SUGCT: variants seen among roughly 807,000 people sequenced by gnomAD.
The protein encoded by SUGCT is succinyl-CoA:glutarate-CoA transferase, also known as succinyl-CoA:glutarate CoA-transferase.
A neutral mutation model predicts 55.0 loss-of-function variants in SUGCT; 41 were observed. The observed-to-expected ratio is 0.74, with a 90% confidence interval of 0.58 to 0.97. The LOEUF (loss-of-function observed/expected upper bound fraction) is 0.97. SUGCT is among the 50% of genes least tolerant of loss of function. The pLI is 0.00. For synonymous variants in SUGCT, 187 were observed against 200.4 expected, an observed-to-expected ratio of 0.93 and a Z score of 0.56; for missense variants, 568 against 547.8, an observed-to-expected ratio of 1.04 and a Z score of -0.37.
intron 9 of SUGCT, among the ~76,000 whole-genome samples, chr7:40,372,894 T>A (rs1263165558): frequency 6.6e-6 from 1 of 152,058 alleles, no homozygotes; most frequent in African/African-American, 2.4e-5. Context: ...TGTCCTCCAA[T>A]AATTTATAAT....
chr7:40,940,464 T>G, the SUGCT span, among the ~76,000 whole-genome samples: 1 of 152,152 alleles, frequency 6.6e-6, no homozygotes, highest in Non-Finnish European at 1.5e-5. Context: ...TGTAAATTGC[T>G]TTGGTCAGTA....
At chr7:40,790,514 A>T (rs7801192) in intron 13 of SUGCT, among the ~76,000 whole-genome samples, 47,506 of 152,098 alleles carry the variant, frequency 0.31, 7,870 homozygotes, top group South Asian at 0.44. Flanking sequence ...CAGAGGAGAG[A>T]TTTCTTAAAA....
At chr7:40,380,785 T>G (rs776800318) in intron 9 of SUGCT, among the ~76,000 whole-genome samples, 8 of 152,220 alleles carry the variant, frequency 5.3e-5, no homozygotes. Context: ...ACTTTCTTAA[T>G]TTGATTGCTG....
chr7:40,410,824 A>G (rs1786632869), intron 9 of SUGCT, among the ~76,000 whole-genome samples: 1 of 152,166 alleles, frequency 6.6e-6, no homozygotes, highest in African/African-American at 2.4e-5. Flanking sequence ...TTTATTCCAT[A>G]CACAATATTG....
intron 7 of SUGCT, among the ~76,000 whole-genome samples, chr7:40,269,074 A>G (rs1017583564): frequency 7.2e-5 from 11 of 152,190 alleles, no homozygotes; most frequent in Admixed American, 5.9e-4. Flanking sequence ...CCAATAGTAC[A>G]TGAAGGCTCC....
At chr7:40,398,074 C>T (rs766607097) in intron 9 of SUGCT, among the ~76,000 whole-genome samples, 19 of 152,000 alleles carry the variant, frequency 1.3e-4, no homozygotes, top group Non-Finnish European at 2.2e-4. Context: ...GAATATTCCA[C>T]GTTCTCTATT....
At chr7:40,175,972 C>A (rs1040026397) in intron 1 of SUGCT, among the ~76,000 whole-genome samples, 4 of 152,032 alleles carry the variant, frequency 2.6e-5, no homozygotes, top group African/African-American at 9.7e-5. Flanking sequence ...TGGCTCATGC[C>A]GGTAATGCCA....
At chr7:40,397,205 A>G (rs537670817) in intron 9 of SUGCT, among the ~76,000 whole-genome samples, 2 of 152,230 alleles carry the variant, frequency 1.3e-5, no homozygotes, top group East Asian at 1.9e-4. Flanking sequence ...ATCTCAAAGG[A>G]GCATGCATTT....
chr7:40,893,715 A>G, the SUGCT span, among the ~76,000 whole-genome samples: 1 of 152,214 alleles, frequency 6.6e-6, no homozygotes, highest in East Asian at 1.9e-4. Flanking sequence ...AGCCAAGGCA[A>G]TCCTAGGCAA....
At chr7:40,385,483 G>C (rs941576048) in intron 9 of SUGCT, among the ~76,000 whole-genome samples, 6 of 152,218 alleles carry the variant, frequency 3.9e-5, no homozygotes, top group African/African-American at 1.2e-4. Context: ...TTCTAAAAAA[G>C]ATATAATTGC....
rs567382088 is a variant in SUGCT, at chr7:40,456,612, G to T, written c.889-2489G>T. Among the ~76,000 whole-genome samples, 12 of 152,172 alleles carry T rather than the reference G, an allele frequency of 7.9e-5. No individual in the cohort carries two copies. In the South Asian group the frequency reaches 2.5e-3, roughly 32 times the overall value. On this transcript the variant is annotated intron_variant, in intron 10 of 13. Transcript: ENST00000335693. ...GTGGTCAAGGGAAGAGGGAATCAGG[G>T]GAGTCAGTGTTGAGTGGGGTGGGGT...
intron 12 of SUGCT, among the ~76,000 whole-genome samples, chr7:40,544,570 C>A (rs77089669): frequency 0.026 from 3,888 of 151,738 alleles, 159 homozygotes; most frequent in African/African-American, 0.091. Flanking sequence ...AATACTCTAT[C>A]GCTTGTGTAA....
intron 1 of SUGCT, among the ~76,000 whole-genome samples, chr7:40,135,514 A>G (rs1168346803): frequency 6.6e-6 from 1 of 152,276 alleles, no homozygotes; most frequent in African/African-American, 2.4e-5. Context: ...CATGTACAAT[A>G]AAAGATGCCC....
At chr7:40,684,039 T>C (rs560612299) in intron 12 of SUGCT, 1 of 1,612,356 alleles carries the variant, frequency 6.2e-7, no homozygotes, top group South Asian at 1.1e-5. Context: ...TCTGTTTTCT[T>C]TGCTGGTTGT....
intron 13 of SUGCT, among the ~76,000 whole-genome samples, chr7:40,780,163 T>G (rs1345010616): frequency 1.3e-5 from 2 of 151,924 alleles, no homozygotes; most frequent in African/African-American, 4.8e-5. Context: ...ACAAGTGTAG[T>G]TCTCTAAAGC....
chr7:41,011,078 C>A, the SUGCT span, among the ~76,000 whole-genome samples: 1 of 152,222 alleles, frequency 6.6e-6, no homozygotes, highest in African/African-American at 2.4e-5. Flanking sequence ...AAGCCTGGAC[C>A]TGCTGATTTC....
intron 12 of SUGCT, among the ~76,000 whole-genome samples, chr7:40,699,471 T>C (rs758165695): frequency 2.4e-4 from 36 of 152,230 alleles, no homozygotes; most frequent in Non-Finnish European, 4.1e-4. Context: ...CTTGCTCATT[T>C]GTAAACTAAG....
At chr7:40,526,457 A>C (rs752367554) in intron 12 of SUGCT, among the ~76,000 whole-genome samples, 5 of 152,174 alleles carry the variant, frequency 3.3e-5, no homozygotes, top group Non-Finnish European at 5.9e-5. Context: ...TATGCATTAA[A>C]ATAATCTTTA....
intron 7 of SUGCT, among the ~76,000 whole-genome samples, chr7:40,259,158 G>A (rs866176523): frequency 1.3e-5 from 2 of 152,138 alleles, no homozygotes; most frequent in Non-Finnish European, 1.5e-5. Flanking sequence ...CCAGAGGCCT[G>A]GGGAGGAGGG....
Sources: allele counts gnomAD v4.1 joint callset (sites outside exome capture counted in the v4.1 genomes callset), GRCh38; gene constraint gnomAD v4.1.1; transcripts MANE v1.5; gene names NCBI Gene and HGNC (gene_info 2026-07-23, HGNC 2026-07-21).